The following BAIAP2L1 variants were observed in gnomAD, a reference collection of about 807,000 sequenced individuals.
The protein encoded by BAIAP2L1 is BAR/IMD domain containing adaptor protein 2 like 1.
In BAIAP2L1, 35 loss-of-function variants were observed where a neutral mutation model predicts 66.3. The ratio of observed to expected loss-of-function variants is 0.53; its 90% confidence interval spans 0.40 to 0.70. The LOEUF (loss-of-function observed/expected upper bound fraction) is 0.70. BAIAP2L1 is among the 30% of genes least tolerant of loss of function. The pLI is 0.00. For synonymous variants in BAIAP2L1, 269 were observed against 248.7 expected (o/e 1.08, Z -0.77); for missense variants, 622 against 656.9 (o/e 0.95, Z 0.58).
Position 98,357,020 on chromosome 7 carries a change from A to AAT in BAIAP2L1, c.128-1894_128-1893dup, listed in dbSNP as rs1554337327. 1.4e-3 allele frequency among the ~76,000 whole-genome samples: 38 copies of AAT among 28,102 alleles called. 1 individual carries two copies. Among genetic ancestry groups the AAT allele is most frequent in the Non-Finnish European group, 1.5e-3 (30 of 19,504 alleles). The allele number at this position is 28,102 out of a possible 152,430, so 18.4% of individuals were successfully genotyped here. On this transcript the variant is annotated intron_variant, in intron 2 of 13. Transcript: ENST00000005260. ...AAAAAAAAAAAAAAAAAAAAAAAAAAATATATATATATATATATATATATA... is the reference window on the plus strand; with the variant it reads ...AAAAAAAAAAAAAAAAAAAAAAAAAAATATATATATATATATATATATATATA...
rs1041118690 is a variant in BAIAP2L1, at chr7:98,292,941, G to C, written c.*580C>G. On this transcript the variant is annotated 3_prime_UTR_variant, in exon 14 of 14. Transcript: ENST00000005260. The stretch of plus-strand genomic sequence containing the variant: ...AGGCAAAGCGTCTTAGCACTCTACA[G>C]CTCTGGCGTGGTTGGAGGGAGGGTG... The C allele has an allele frequency of 3.1e-6, 4 of 1,276,390 alleles. No homozygotes were observed. The African/African-American group carries it at 6.1e-5, about 19-fold the overall frequency. The allele number at this position is 1,276,390 out of a possible 1,614,324, so 79.1% of individuals were successfully genotyped here.
At chr7:98,370,621 C>T (rs930230716) in intron 1 of BAIAP2L1, among the ~76,000 whole-genome samples, 1 of 151,850 alleles carries the variant, frequency 6.6e-6, no homozygotes, top group Non-Finnish European at 1.5e-5. Flanking sequence ...CCTGCCTCAG[C>T]CCCCTGAGTA....
chr7:98,293,426 G>A lies in BAIAP2L1; in HGVS notation c.*95C>T. On this transcript the variant is annotated 3_prime_UTR_variant, in exon 14 of 14. Transcript: ENST00000005260. ...GACATTAGAGTTAGGCCTCTCCACT[G>A]AAGCTTCCCGACCGTCAGCACGTGG... 4 of 1,190,782 alleles carry A rather than the reference G, an allele frequency of 3.4e-6. No homozygotes were observed. Among genetic ancestry groups the A allele is most frequent in the Non-Finnish European group, 5.0e-6 (4 of 807,532 alleles). 73.8% of individuals were successfully genotyped at this position (1,190,782 alleles called of 1,614,324 possible).
At chr7:98,352,441 A>T (rs146533314) in intron 3 of BAIAP2L1, among the ~76,000 whole-genome samples, 1,767 of 152,264 alleles carry the variant, frequency 0.012, 39 homozygotes, top group African/African-American at 0.041. Context: ...CAGGAGTTTG[A>T]GACCAGCCTG....
At chr7:98,344,609 A>C (rs963070682) in intron 3 of BAIAP2L1, among the ~76,000 whole-genome samples, 1 of 152,096 alleles carries the variant, frequency 6.6e-6, no homozygotes, top group Non-Finnish European at 1.5e-5. Flanking sequence ...CTAACTTGCA[A>C]ATTTTGCATA....
intron 1 of BAIAP2L1, among the ~76,000 whole-genome samples, chr7:98,393,191 G>A (rs139027432): frequency 2.2e-5 from 2 of 91,218 alleles, no homozygotes; most frequent in African/African-American, 6.3e-5. Context: ...ATATGTGTGT[G>A]TTTATATATA....
chr7:98,357,929 T>C (rs1317293979), intron 2 of BAIAP2L1, among the ~76,000 whole-genome samples: 1 of 152,196 alleles, frequency 6.6e-6, no homozygotes, highest in East Asian at 1.9e-4. Flanking sequence ...TTCTGATTCT[T>C]TGGTCTCGTC....
chr7:98,337,331 A>C (rs1484948780), intron 3 of BAIAP2L1, among the ~76,000 whole-genome samples: 1 of 151,806 alleles, frequency 6.6e-6, no homozygotes, highest in Non-Finnish European at 1.5e-5. Flanking sequence ...TCCTGGGTTC[A>C]AGCAATTCTC....
chr7:98,325,719 G>GA (rs1318698743), intron 3 of BAIAP2L1, among the ~76,000 whole-genome samples: 2 of 152,270 alleles, frequency 1.3e-5, no homozygotes, highest in Non-Finnish European at 2.9e-5. Context: ...AATGTCATTG[G>GA]AAAAAGGACT....
chr7:98,338,968 G>T (rs535272113), intron 3 of BAIAP2L1, among the ~76,000 whole-genome samples: 5 of 152,010 alleles, frequency 3.3e-5, no homozygotes, highest in Non-Finnish European at 7.4e-5. Context: ...AGCTACTTGG[G>T]AGGCTGAGGC....
chr7:98,311,700 GTT>G (rs1445684875), intron 8 of BAIAP2L1, among the ~76,000 whole-genome samples: 3 of 151,898 alleles, frequency 2.0e-5, no homozygotes, highest in African/African-American at 7.3e-5. Flanking sequence ...GAGGTCAGGA[GTT>G]TGAGACCAGC....
intron 12 of BAIAP2L1, 87 bp from the exon 13 acceptor site, chr7:98,294,198 GC>G (rs1800089646): frequency 7.0e-7 from 1 of 1,438,072 alleles, no homozygotes; most frequent in Non-Finnish European, 9.7e-7. Flanking sequence ...TTGCTATGTT[GC>G]CCAGGCTGGT....
chr7:98,347,139 A>G (rs1485108216), intron 3 of BAIAP2L1, among the ~76,000 whole-genome samples: 1 of 150,254 alleles, frequency 6.7e-6, no homozygotes, highest in Non-Finnish European at 1.5e-5. Context: ...GCAATTTGCT[A>G]AAGCATAGAA....
At chr7:98,321,348 T>C (rs942998636) in intron 3 of BAIAP2L1, among the ~76,000 whole-genome samples, 6 of 152,224 alleles carry the variant, frequency 3.9e-5, no homozygotes, top group Non-Finnish European at 2.9e-5. Flanking sequence ...ATAAAGGCTA[T>C]TTCTTTTTTC....
At chr7:98,384,156 GAAA>G (rs76408692) in intron 1 of BAIAP2L1, among the ~76,000 whole-genome samples, 1 of 112,410 alleles carries the variant, frequency 8.9e-6, no homozygotes, top group Admixed American at 9.1e-5. Context: ...CTCCGTCTCA[GAAA>G]AAAAAAAAAA....
At chr7:98,324,703 A>G (rs896665896) in intron 3 of BAIAP2L1, among the ~76,000 whole-genome samples, 1 of 152,212 alleles carries the variant, frequency 6.6e-6, no homozygotes, top group Non-Finnish European at 1.5e-5. Context: ...AAAAATTAAA[A>G]ATTAGCTGGG....
intron 3 of BAIAP2L1, among the ~76,000 whole-genome samples, chr7:98,328,072 A>C (rs1295882718): frequency 1.3e-5 from 2 of 151,718 alleles, no homozygotes; most frequent in African/African-American, 4.8e-5. Context: ...ATACACCTTC[A>C]TTTTATATAT....
Position 98,293,464 on chromosome 7 carries a change from G to T in BAIAP2L1, c.*57C>A. 1 of 1,510,170 alleles carries T rather than the reference G, an allele frequency of 6.6e-7. No homozygotes were observed. The highest frequency in any genetic ancestry group is 9.2e-7 in the Non-Finnish European group (1 of 1,087,406). The allele number at this position is 1,510,170 out of a possible 1,614,324, so 93.5% of individuals were successfully genotyped here. On this transcript the variant is annotated 3_prime_UTR_variant, in exon 14 of 14. Transcript: ENST00000005260. ...CGTCAGCACGTGGCAGACAGGATGC[G>T]CCCATCATTCCGCAAGGGAGAACCG...
chr7:98,293,667 A>G, intron 13 of BAIAP2L1, 71 bp from the exon 14 acceptor site: 2 of 1,468,082 alleles, frequency 1.4e-6, no homozygotes, highest in Non-Finnish European at 1.9e-6. Flanking sequence ...CAGTGCTAAT[A>G]ACCCGTTCTT....
Sources: allele counts gnomAD v4.1 joint callset (sites outside exome capture counted in the v4.1 genomes callset), GRCh38; gene constraint gnomAD v4.1.1; transcripts MANE v1.5; gene names NCBI Gene and HGNC (gene_info 2026-07-23, HGNC 2026-07-21).